The following PXDNL variants were observed in gnomAD, a reference collection of about 807,000 sequenced individuals.
PXDNL encodes probable oxidoreductase PXDNL.
Under a neutral mutation model 150.8 loss-of-function variants are expected in PXDNL, and 145 were observed. The ratio of observed to expected loss-of-function variants is 0.96; its 90% CI spans 0.84 to 1.10. The LOEUF (loss-of-function observed/expected upper bound fraction) is 1.10, where lower values mean the gene tolerates loss of function less well. Ranked by LOEUF, PXDNL falls within the 50% of genes least tolerant of loss-of-function variation. The probability of loss-of-function intolerance (pLI) is 0.00; values close to 1 mark genes in which losing one functional copy is unlikely to be tolerated. For synonymous variants in PXDNL, 757 were observed against 725.7 expected, an observed-to-expected ratio of 1.04 and a Z score of -0.69; for missense variants, 2,087 against 1,873.9, an observed-to-expected ratio of 1.11 and a Z score of -2.10.
intron 2 of PXDNL, among the ~76,000 whole-genome samples, chr8:51,643,367 A>G (rs1814820818): frequency 6.6e-6 from 1 of 152,212 alleles, no homozygotes; most frequent in African/African-American, 2.4e-5. Context: ...GGAACAGAAC[A>G]GAGCCCTCAG....
chr8:51,757,508 T>C (rs184485174), intron 1 of PXDNL, among the ~76,000 whole-genome samples: 297 of 152,328 alleles, frequency 1.9e-3, no homozygotes, highest in African/African-American at 6.7e-3. Context: ...GTGATTTTGA[T>C]CAGTATTTCA....
chr8:51,670,609 C>G (rs931952384), intron 1 of PXDNL, among the ~76,000 whole-genome samples: 7 of 152,208 alleles, frequency 4.6e-5, no homozygotes, highest in African/African-American at 1.4e-4. Flanking sequence ...TGTGGCTCAT[C>G]ATTAACCATA....
intron 2 of PXDNL, among the ~76,000 whole-genome samples, chr8:51,628,337 ATTTC>A (rs58261998): frequency 8.1e-5 from 9 of 111,406 alleles, no homozygotes; most frequent in Non-Finnish European, 1.7e-4. Context: ...CTTCTTCTTT[ATTTC>A]TTTCTTTCTT....
chr8:51,422,529 T>C (rs1808982986), intron 14 of PXDNL, among the ~76,000 whole-genome samples: 1 of 152,224 alleles, frequency 6.6e-6, no homozygotes, highest in Admixed American at 6.5e-5. Context: ...GCCTGTGTTA[T>C]GAAATATTAT....
chr8:51,439,594 G>A (rs543693171), intron 12 of PXDNL, among the ~76,000 whole-genome samples: 1 of 152,200 alleles, frequency 6.6e-6, no homozygotes, highest in Non-Finnish European at 1.5e-5. Flanking sequence ...GGAGGCTGAG[G>A]TAGGTGGATC....
At chr8:51,323,929 AT>A (rs1805405350) in intron 21 of PXDNL, among the ~76,000 whole-genome samples, 3 of 138,354 alleles carry the variant, frequency 2.2e-5, no homozygotes, top group Admixed American at 6.9e-5. Flanking sequence ...AAAAAATAAA[AT>A]AAAATAAAAT....
chr8:51,351,363 G>T (rs1806344761), intron 19 of PXDNL, among the ~76,000 whole-genome samples: 1 of 152,154 alleles, frequency 6.6e-6, no homozygotes, highest in South Asian at 2.1e-4. Flanking sequence ...AAGAAATTTG[G>T]ACACAGCCAT....
At chr8:51,623,718 C>G (rs1814305587) in intron 2 of PXDNL, among the ~76,000 whole-genome samples, 1 of 152,162 alleles carries the variant, frequency 6.6e-6, no homozygotes, top group Non-Finnish European at 1.5e-5. Context: ...CTTTCTCACA[C>G]TGTTATTTCC....
At chr8:51,489,546 G>T (rs1001099898) in intron 5 of PXDNL, among the ~76,000 whole-genome samples, 7 of 152,052 alleles carry the variant, frequency 4.6e-5, no homozygotes, top group Non-Finnish European at 8.8e-5. Context: ...TGGAACTCCT[G>T]GGCTCAAGCA....
intron 1 of PXDNL, among the ~76,000 whole-genome samples, chr8:51,698,068 CTGG>C (rs987268286): frequency 7.9e-5 from 12 of 152,296 alleles, no homozygotes; most frequent in African/African-American, 2.9e-4. Flanking sequence ...ATAAATTTTG[CTGG>C]TGGAGAGTTT....
At chr8:51,625,637 A>G (rs1814347223) in intron 2 of PXDNL, among the ~76,000 whole-genome samples, 1 of 152,210 alleles carries the variant, frequency 6.6e-6, no homozygotes, top group Non-Finnish European at 1.5e-5. Context: ...TTTGATCAGA[A>G]CATGATAGCA....
chr8:51,445,918 C>T (rs969472122), intron 12 of PXDNL, among the ~76,000 whole-genome samples: 21 of 151,960 alleles, frequency 1.4e-4, no homozygotes, highest in Admixed American at 1.3e-3. Context: ...TCTTCCCACT[C>T]GTTTGAGTTG....
intron 1 of PXDNL, among the ~76,000 whole-genome samples, chr8:51,769,286 G>A (rs1169867328): frequency 6.6e-6 from 1 of 152,202 alleles, no homozygotes; most frequent in African/African-American, 2.4e-5. Flanking sequence ...TGAAGACTCA[G>A]CCAGCCCTGC....
At chr8:51,473,524 A>C (rs1359354016) in intron 7 of PXDNL, among the ~76,000 whole-genome samples, 3 of 152,156 alleles carry the variant, frequency 2.0e-5, no homozygotes, top group Non-Finnish European at 2.9e-5. Flanking sequence ...GCATGTAAAA[A>C]GTCCTTGGGT....
At chr8:51,753,440 ATG>A (rs1336882323) in intron 1 of PXDNL, among the ~76,000 whole-genome samples, 6 of 152,224 alleles carry the variant, frequency 3.9e-5, no homozygotes, top group Non-Finnish European at 8.8e-5. Flanking sequence ...GAGGATGAGA[ATG>A]TATTTCAAGT....
intron 3 of PXDNL, among the ~76,000 whole-genome samples, chr8:51,563,680 C>G (rs1812760336): frequency 6.6e-6 from 1 of 151,822 alleles, no homozygotes; most frequent in Non-Finnish European, 1.5e-5. Flanking sequence ...AACTGGCTTA[C>G]AAAAAAATTA....
chr8:51,454,022 T>C (rs1304144968), intron 9 of PXDNL, among the ~76,000 whole-genome samples: 1 of 152,232 alleles, frequency 6.6e-6, no homozygotes, highest in African/African-American at 2.4e-5. Flanking sequence ...TATCACGATG[T>C]GTTATAGATA....
intron 19 of PXDNL, among the ~76,000 whole-genome samples, chr8:51,349,461 G>A (rs528687800): frequency 6.6e-6 from 1 of 152,290 alleles, no homozygotes; most frequent in East Asian, 1.9e-4. Flanking sequence ...CCAAGAGCAA[G>A]TCGAATGTAA....
At chr8:51,331,397 G>A (rs544953996) in intron 21 of PXDNL, among the ~76,000 whole-genome samples, 53 of 152,302 alleles carry the variant, frequency 3.5e-4, no homozygotes, top group African/African-American at 1.2e-3. Flanking sequence ...AGAGGCTGGA[G>A]GAGCAGGGGA....
Sources: gnomAD v4.1 joint callset for allele counts (sites outside exome capture counted in the v4.1 genomes callset) on GRCh38, gnomAD v4.1.1 for gene constraint, MANE v1.5 for transcripts, NCBI Gene and HGNC (gene_info 2026-07-23, HGNC 2026-07-21) for gene names.